KHDRBS2: variants seen among roughly 807,000 people sequenced by gnomAD.
KHDRBS2 encodes the protein KH domain-containing, RNA-binding, signal transduction-associated protein 2.
In KHDRBS2, 26 loss-of-function variants were observed where a neutral mutation model predicts 44.3. The ratio of observed to expected loss-of-function variants is 0.59; its 90% CI spans 0.43 to 0.81. The LOEUF (loss-of-function observed/expected upper bound fraction) is 0.81, where lower values mean the gene tolerates loss of function less well. Among genes scored for constraint, KHDRBS2 ranks in the 40% least tolerant of loss-of-function variants. The pLI is 0.00. For missense variants in KHDRBS2, 476 were observed against 433.1 expected (o/e 1.10, Z -0.88); for synonymous variants, 194 against 151.1 (o/e 1.28, Z -2.08).
Position 61,901,259 on chromosome 6 carries a change from G to T in KHDRBS2, c.596C>A (p.Pro199His). ...ATGAATGTACCTTGAAGGAGCTGTG[G>T]GAGCTATTCTGATCCCTCTGCCTCT... ...GIRGRGIRIAPTAPSRGRGGA... is the reference protein window; with the variant it reads ...GIRGRGIRIAHTAPSRGRGGA... Residue 199 changes from proline (P) to histidine (H), a missense_variant, in exon 5 of 9, where the codon CCC (proline) becomes CAC (histidine). Pro to His is a moderately conservative substitution (Grantham distance 77). Transcript: ENST00000281156. 1 of 1,612,476 alleles carries T rather than the reference G, an allele frequency of 6.2e-7. No homozygotes were observed. The highest frequency in any genetic ancestry group is 8.5e-7 in the Non-Finnish European group (1 of 1,179,340).
At chr6:62,210,723 G>A (rs984046203) in intron 1 of KHDRBS2, among the ~76,000 whole-genome samples, 1 of 151,936 alleles carries the variant, frequency 6.6e-6, no homozygotes, top group East Asian at 1.9e-4. Context: ...TATTTTAACA[G>A]AGAAACCTGA....
intron 2 of KHDRBS2, among the ~76,000 whole-genome samples, chr6:62,074,349 C>A (rs1294165094): frequency 6.6e-6 from 1 of 151,866 alleles, no homozygotes; most frequent in Non-Finnish European, 1.5e-5. Flanking sequence ...CTGCATGTCT[C>A]CCATAACAAG....
the KHDRBS2 span, among the ~76,000 whole-genome samples, chr6:61,562,007 C>T: frequency 3.3e-5 from 5 of 151,932 alleles, no homozygotes; most frequent in African/African-American, 1.2e-4. Context: ...CACTATAAAC[C>T]AAAAAAATGG....
chr6:61,632,088 C>G, the KHDRBS2 span, among the ~76,000 whole-genome samples: 1 of 152,106 alleles, frequency 6.6e-6, no homozygotes, highest in Admixed American at 6.6e-5. Flanking sequence ...TTTAACATTG[C>G]TTCTGCTACT....
intron 2 of KHDRBS2, among the ~76,000 whole-genome samples, chr6:62,115,700 G>T (rs1228697995): frequency 1.3e-5 from 2 of 152,128 alleles, no homozygotes; most frequent in Non-Finnish European, 2.9e-5. Context: ...ATTTTGTGAG[G>T]CTAATTAACA....
intron 2 of KHDRBS2, among the ~76,000 whole-genome samples, chr6:62,144,001 T>A (rs1304784318): frequency 6.6e-6 from 1 of 151,900 alleles, no homozygotes; most frequent in Admixed American, 6.6e-5. Flanking sequence ...CCACTCTCTA[T>A]CTCATCTAAG....
chr6:61,727,423 G>A (rs1311143166), intron 7 of KHDRBS2, among the ~76,000 whole-genome samples: 1 of 152,098 alleles, frequency 6.6e-6, no homozygotes, highest in Non-Finnish European at 1.5e-5. Flanking sequence ...GGCAAAAATT[G>A]ACAAATGGAA....
At chr6:61,975,955 G>A (rs528130734) in intron 4 of KHDRBS2, among the ~76,000 whole-genome samples, 2 of 152,266 alleles carry the variant, frequency 1.3e-5, no homozygotes, top group Admixed American at 1.3e-4. Context: ...CTTCAAAGGT[G>A]CTTAATGAGC....
At chr6:61,661,763 G>A in the KHDRBS2 span, among the ~76,000 whole-genome samples, 1 of 151,834 alleles carries the variant, frequency 6.6e-6, no homozygotes, top group African/African-American at 2.4e-5. Context: ...CAAACAAATG[G>A]AAGAACATTC....
chr6:62,197,946 C>G (rs756898101), intron 1 of KHDRBS2, among the ~76,000 whole-genome samples: 18 of 152,140 alleles, frequency 1.2e-4, no homozygotes, highest in Non-Finnish European at 2.2e-4. Flanking sequence ...CTCCAAACCA[C>G]TCAATTACAT....
At chr6:61,901,817 C>G in intron 4 of KHDRBS2, among the ~76,000 whole-genome samples, 1 of 152,096 alleles carries the variant, frequency 6.6e-6, no homozygotes, top group Non-Finnish European at 1.5e-5. Flanking sequence ...AGAGCAATCC[C>G]AAGGGCTCAG....
intron 3 of KHDRBS2, among the ~76,000 whole-genome samples, chr6:62,037,423 GA>G (rs565131976): frequency 4.8e-5 from 7 of 144,604 alleles, no homozygotes; most frequent in East Asian, 2.0e-4. Context: ...TTCAAATTCT[GA>G]AAAAAAAATA....
intron 2 of KHDRBS2, among the ~76,000 whole-genome samples, chr6:62,110,332 C>T (rs2127382471): frequency 6.6e-6 from 1 of 151,952 alleles, no homozygotes; most frequent in South Asian, 2.1e-4. Flanking sequence ...AGTTAATTAC[C>T]CAAGAGAAAG....
At chr6:62,131,257 T>A (rs1810248227) in intron 2 of KHDRBS2, among the ~76,000 whole-genome samples, 1 of 152,196 alleles carries the variant, frequency 6.6e-6, no homozygotes, top group South Asian at 2.1e-4. Context: ...CTGCCACATC[T>A]CTTGGAGTCT....
rs541761491 is a variant in KHDRBS2 at position 62,197,471 on chromosome 6, T to C, written c.92-20159A>G. Among the ~76,000 whole-genome samples, 4 of 152,276 alleles carry C rather than the reference T, an allele frequency of 2.6e-5. No individual in the cohort carries two copies. The East Asian group carries it at 7.7e-4, about 29-fold the overall frequency. Reference sequence around the variant, plus strand: ...GATTACTCTAAGAACACTGCTTCTATGGATAATGGGTCTTGAAGGAGTTTA... The same window carrying C: ...GATTACTCTAAGAACACTGCTTCTACGGATAATGGGTCTTGAAGGAGTTTA... On this transcript the variant is annotated intron_variant, in intron 1 of 8. Coordinates refer to ENST00000281156, the MANE Select transcript of KHDRBS2 (RefSeq NM_152688.4).
intron 2 of KHDRBS2, among the ~76,000 whole-genome samples, chr6:62,156,617 T>C (rs1191046737): frequency 6.6e-6 from 1 of 152,202 alleles, no homozygotes; most frequent in Non-Finnish European, 1.5e-5. Flanking sequence ...GAGGTACTCT[T>C]CTAAAAAGTT....
chr6:61,961,478 G>A lies in KHDRBS2; in HGVS notation c.483+16588C>T, dbSNP rs373178572. On this transcript the variant is annotated intron_variant, in intron 4 of 8. Transcript: ENST00000281156. ...AGAGATGGAGGAAGGAAGGAAGGAA[G>A]GAAAGAGACAGTACTACAGGGCAAG... is the stretch of plus-strand genomic sequence containing the variant. Among the ~76,000 whole-genome samples, 42 of 151,506 alleles carry A rather than the reference G, an allele frequency of 2.8e-4. 1 individual carries two copies. The highest frequency in any genetic ancestry group is 1.6e-3 in the East Asian group (8 of 5,128).
In KHDRBS2 at chr6:61,697,042, G is replaced by A. The variant is rs114221977; in HGVS notation, c.952+153C>T. Among the ~76,000 whole-genome samples, 674 of 152,194 alleles carry A rather than the reference G, an allele frequency of 4.4e-3. 9 individuals are homozygous for A. Among genetic ancestry groups the A allele is most frequent in the African/African-American group, 0.016 (647 of 41,516 alleles). On this transcript the variant is annotated intron_variant, in intron 8 of 8. Transcript: ENST00000281156. The stretch of plus-strand genomic sequence containing the variant: ...TGATCTGTCTAATTTTCTGGTACTA[G>A]CTGTGTAAGTCAAATCTCACCCTGG...
chr6:62,024,608 C>G (rs906255908), intron 3 of KHDRBS2, among the ~76,000 whole-genome samples: 3 of 151,386 alleles, frequency 2.0e-5, no homozygotes, highest in Non-Finnish European at 4.4e-5. Flanking sequence ...ATCAAACTTT[C>G]TAAAAGAGAT....
Sources: gnomAD v4.1 joint callset for allele counts (sites outside exome capture counted in the v4.1 genomes callset) on GRCh38, gnomAD v4.1.1 for gene constraint, MANE v1.5 for transcripts, NCBI Gene and HGNC (gene_info 2026-07-23, HGNC 2026-07-21) for gene names.